The following BICD2 variants were observed in gnomAD, a reference collection of about 807,000 sequenced individuals.
BICD2 encodes protein bicaudal D homolog 2.
BICD2 carries 25 observed loss-of-function variants against 72.9 expected under a neutral mutation model. The observed-to-expected ratio is 0.34, with a 90% CI of 0.25 to 0.48. The LOEUF (loss-of-function observed/expected upper bound fraction) is 0.48. Among genes scored for constraint, BICD2 ranks in the 20% least tolerant of loss-of-function variants. The probability of loss-of-function intolerance (pLI) is 0.99; values close to 1 mark genes in which losing one functional copy is unlikely to be tolerated. For missense variants in BICD2, 894 were observed against 1,175.2 expected, an observed-to-expected ratio of 0.76 and a Z score of 3.50; for synonymous variants, 501 against 516.1, an observed-to-expected ratio of 0.97 and a Z score of 0.40.
intron 1 of BICD2, among the ~76,000 whole-genome samples, chr9:92,729,523 T>A: frequency 6.6e-6 from 1 of 152,060 alleles, no homozygotes; most frequent in East Asian, 1.9e-4. Context: ...AGTGCTGGAG[T>A]CAGGGAGCTA....
intron 1 of BICD2, among the ~76,000 whole-genome samples, chr9:92,737,540 C>G (rs956332643): frequency 1.3e-5 from 2 of 152,180 alleles, no homozygotes; most frequent in Admixed American, 6.5e-5. Flanking sequence ...GAGCCCATAC[C>G]AGACGCTTAG....
At chr9:92,755,286 T>C (rs988977731) in intron 1 of BICD2, among the ~76,000 whole-genome samples, 1 of 152,240 alleles carries the variant, frequency 6.6e-6, no homozygotes, top group Non-Finnish European at 1.5e-5. Flanking sequence ...CCTGATAAGA[T>C]GTTATCAATA....
intron 1 of BICD2, among the ~76,000 whole-genome samples, chr9:92,746,256 G>A (rs1466281529): frequency 1.3e-5 from 2 of 152,220 alleles, no homozygotes; most frequent in South Asian, 4.1e-4. Context: ...CATTGGCCGG[G>A]CATGGTGGCT....
rs1412401979 is a variant in BICD2 at position 92,718,855 on chromosome 9, C to T, written c.1790G>A (p.Arg597Gln). 1.4e-5 allele frequency: 22 copies of T among 1,599,908 alleles called. No homozygotes were observed. Among genetic ancestry groups the T allele is most frequent in the East Asian group, 2.3e-5 (1 of 44,254 alleles). Residue 597 changes from arginine to glutamine, a missense_variant, in exon 5 of 7, where the codon CGA becomes CAA. Physicochemically the swap from Arg to Gln is conservative, Grantham distance 43. Coordinates refer to ENST00000356884, the MANE Select transcript of BICD2 (RefSeq NM_001003800.2). The part of the protein sequence containing the change: ...PKGLLAPEAG[R>Q]ADGGTGDSSP... ...GCTGTCCCCCGTCCCACCATCTGCT[C>T]GGCCCGCCTCAGGAGCCAGCAGCCC...
intron 6 of BICD2, among the ~76,000 whole-genome samples, chr9:92,716,923 G>A (rs1338552036): frequency 6.6e-6 from 1 of 152,174 alleles, no homozygotes; most frequent in Non-Finnish European, 1.5e-5. Flanking sequence ...TCCAAGCCCC[G>A]GCCCTCTCCT....
chr9:92,741,465 C>G (rs558977717), intron 1 of BICD2, among the ~76,000 whole-genome samples: 10 of 152,310 alleles, frequency 6.6e-5, no homozygotes, highest in African/African-American at 2.4e-4. Context: ...AATATTTCTG[C>G]CACAAACTAA....
Position 92,760,072 on chromosome 9 carries a change from C to T in BICD2, c.240+4433G>A, listed in dbSNP as rs904239472. Among the ~76,000 whole-genome samples the T allele has an allele frequency of 9.9e-5, 15 of 152,202 alleles. 2 individuals are homozygous for T. On this transcript the variant is annotated intron_variant, in intron 1 of 6. Coordinates refer to ENST00000356884, the MANE Select transcript of BICD2 (RefSeq NM_001003800.2). Reference sequence around the variant, plus strand: ...ATTAACCTATCACGGCCCAGACAGGCAGCGGCTCATCCAGGGCCGCAAGCT... The same window carrying T: ...ATTAACCTATCACGGCCCAGACAGGTAGCGGCTCATCCAGGGCCGCAAGCT...
chr9:92,737,626 C>T (rs1292946814), intron 1 of BICD2, among the ~76,000 whole-genome samples: 1 of 152,200 alleles, frequency 6.6e-6, no homozygotes, highest in African/African-American at 2.4e-5. Context: ...AAGATTACGA[C>T]CAACAACAGG....
chr9:92,714,822 T>TC lies in BICD2; in HGVS notation c.*331dup, dbSNP rs1401579301. On this transcript the variant is annotated 3_prime_UTR_variant, in exon 7 of 7. Transcript: ENST00000356884. The stretch of plus-strand genomic sequence containing the variant: ...GGTGCTGAGGGAGCAGGACCAGGAC[T>TC]CCTCCCTTGGGTTTCCCCACGGGTG... 9.3e-7 allele frequency: 1 copy of TC among 1,080,612 alleles called. No individual in the cohort carries two copies. Among genetic ancestry groups the TC allele is most frequent in the African/African-American group, 1.7e-5 (1 of 60,454 alleles). The allele number at this position is 1,080,612 out of a possible 1,614,324, so 66.9% of individuals were successfully genotyped here.
chr9:92,752,149 G>C (rs1251736730), intron 1 of BICD2, among the ~76,000 whole-genome samples: 3 of 152,140 alleles, frequency 2.0e-5, no homozygotes, highest in Admixed American at 2.0e-4. Flanking sequence ...TTCTGTTGCT[G>C]ACAGGCCTTA....
At chr9:92,741,807 C>T (rs1360185244) in intron 1 of BICD2, among the ~76,000 whole-genome samples, 1 of 152,186 alleles carries the variant, frequency 6.6e-6, no homozygotes, top group African/African-American at 2.4e-5. Context: ...AAGCGTACTG[C>T]TAAATTCCTA....
intron 1 of BICD2, among the ~76,000 whole-genome samples, chr9:92,745,964 C>A (rs1401522156): frequency 1.3e-5 from 2 of 152,220 alleles, no homozygotes; most frequent in Non-Finnish European, 2.9e-5. Context: ...TGGGACTCGG[C>A]CCTTCCTGGT....
intron 2 of BICD2, among the ~76,000 whole-genome samples, chr9:92,728,355 TG>T (rs1564064028): frequency 1.3e-5 from 2 of 152,232 alleles, no homozygotes; most frequent in African/African-American, 4.8e-5. Context: ...GACGGATTCA[TG>T]GACGGACACC....
In BICD2 at chr9:92,711,804, C is replaced by T. The variant is rs1853199916; in HGVS notation, c.*3350G>A. The T allele has an allele frequency of 6.6e-6, 1 of 152,422 alleles. No homozygotes were observed. Among genetic ancestry groups the T allele is most frequent in the Admixed American group, 6.5e-5 (1 of 15,272 alleles). 9.4% of individuals were successfully genotyped at this position (152,422 alleles called of 1,614,324 possible). ...CAACTAGGAATAAGAAATGCTTATTCCAGGAAACAGAATTCTTTTATTTTT... is the reference window on the plus strand; with the variant it reads ...CAACTAGGAATAAGAAATGCTTATTTCAGGAAACAGAATTCTTTTATTTTT... On this transcript the variant is annotated 3_prime_UTR_variant, in exon 7 of 7. Transcript: ENST00000356884.
At chr9:92,730,156 C>T (rs184036744) in intron 1 of BICD2, among the ~76,000 whole-genome samples, 2 of 152,300 alleles carry the variant, frequency 1.3e-5, no homozygotes, top group African/African-American at 2.4e-5. Flanking sequence ...AGAGGGCAGA[C>T]GGGCCGCAGT....
intron 1 of BICD2, among the ~76,000 whole-genome samples, chr9:92,758,252 G>A (rs544846670): frequency 2.4e-4 from 35 of 144,460 alleles, no homozygotes; most frequent in Middle Eastern, 4.0e-3. Context: ...AAATAAATAA[G>A]TAAATAATGA....
intron 1 of BICD2, among the ~76,000 whole-genome samples, chr9:92,760,759 G>A (rs1257690565): frequency 6.6e-6 from 1 of 151,960 alleles, no homozygotes; most frequent in Admixed American, 6.5e-5. Flanking sequence ...CATACCAACA[G>A]CAGACCACTG....
intron 1 of BICD2, among the ~76,000 whole-genome samples, chr9:92,749,196 G>A (rs913299779): frequency 6.6e-6 from 1 of 152,072 alleles, no homozygotes; most frequent in African/African-American, 2.4e-5. Flanking sequence ...GGGCCTCCTG[G>A]GAACTGGGGT....
At chr9:92,738,531 G>T (rs1230369345) in intron 1 of BICD2, among the ~76,000 whole-genome samples, 1 of 152,224 alleles carries the variant, frequency 6.6e-6, no homozygotes, top group Non-Finnish European at 1.5e-5. Flanking sequence ...CCACTCTCAA[G>T]AGAGAATGTG....
Sources: allele counts gnomAD v4.1 joint callset (sites outside exome capture counted in the v4.1 genomes callset), GRCh38; gene constraint gnomAD v4.1.1; transcripts MANE v1.5; gene names NCBI Gene and HGNC (gene_info 2026-07-23, HGNC 2026-07-21).